ATF7: variants seen among roughly 807,000 people sequenced by gnomAD.
ATF7 encodes the protein activating transcription factor 7.
In ATF7, 10 loss-of-function variants were observed where a neutral mutation model predicts 50.4. The ratio of observed to expected loss-of-function variants is 0.20; its 90% CI spans 0.12 to 0.34. ATF7 has a LOEUF of 0.34. ATF7 is among the 10% of genes least tolerant of loss of function. The probability of loss-of-function intolerance (pLI) is 1.00; values close to 1 mark genes in which losing one functional copy is unlikely to be tolerated. For missense variants in ATF7, 465 were observed against 613.9 expected (o/e 0.76, Z 2.56); for synonymous variants, 201 against 226.4 (o/e 0.89, Z 1.01).
chr12:53,613,596 T>C (rs1405145896), intron 1 of ATF7, among the ~76,000 whole-genome samples: 5 of 152,056 alleles, frequency 3.3e-5, no homozygotes, highest in Non-Finnish European at 5.9e-5. Context: ...TCTCAGCTCA[T>C]TGCAACCTCT....
At chr12:53,587,712 C>T (rs1308731412) in intron 2 of ATF7, among the ~76,000 whole-genome samples, 1 of 149,080 alleles carries the variant, frequency 6.7e-6, no homozygotes, top group Non-Finnish European at 1.5e-5. Flanking sequence ...ATGTTTTAAG[C>T]AACTTTCCAG....
intron 1 of ATF7, among the ~76,000 whole-genome samples, chr12:53,623,065 G>A (rs1053858111): frequency 8.5e-5 from 13 of 152,206 alleles, no homozygotes; most frequent in Non-Finnish European, 1.9e-4. Flanking sequence ...AGACTACCAT[G>A]TTAACAAGGA....
At position 53,595,676 on chromosome 12, in the gene ATF7, A is replaced by G. The variant is rs181023451; in HGVS notation, c.48+5277T>C. ...AGCTTTGGAGGTTGGTTAAATGCCA[A>G]GTGAAGCCAGGACTACAACACCATA... On this transcript the variant is annotated intron_variant, in intron 2 of 11. Coordinates refer to ENST00000420353, the MANE Select transcript of ATF7 (RefSeq NM_006856.3). Among the ~76,000 whole-genome samples, 61 of 152,322 alleles carry G rather than the reference A, an allele frequency of 4.0e-4. 1 individual carries two copies. In the East Asian group the frequency reaches 0.012, roughly 29 times the overall value.
chr12:53,611,709 GC>G (rs1433273273), intron 1 of ATF7, among the ~76,000 whole-genome samples: 2 of 152,014 alleles, frequency 1.3e-5, no homozygotes, highest in African/African-American at 4.8e-5. Flanking sequence ...TCATTCCTCA[GC>G]CTCCTGAATA....
intron 11 of ATF7, among the ~76,000 whole-genome samples, chr12:53,519,106 G>T (rs1452965572): frequency 6.7e-6 from 1 of 150,020 alleles, no homozygotes; most frequent in Admixed American, 6.6e-5. Flanking sequence ...AGCCATCTTT[G>T]TTACCCTCAG....
chr12:53,551,860 G>C (rs1399663404), intron 3 of ATF7, among the ~76,000 whole-genome samples: 1 of 152,192 alleles, frequency 6.6e-6, no homozygotes, highest in Non-Finnish European at 1.5e-5. Flanking sequence ...AGCTCACTTT[G>C]GTTTGTATGT....
intron 9 of ATF7, among the ~76,000 whole-genome samples, chr12:53,526,829 C>T (rs764705331): frequency 4.0e-5 from 6 of 151,626 alleles, no homozygotes; most frequent in East Asian, 1.9e-4. Flanking sequence ...CCAGCCTGGG[C>T]GACAGAGCAA....
chr12:53,536,613 C>T (rs955694902), intron 5 of ATF7, among the ~76,000 whole-genome samples: 9 of 150,202 alleles, frequency 6.0e-5, no homozygotes, highest in African/African-American at 2.0e-4. Context: ...GCTGGCCGGG[C>T]GCGGTGGCTC....
At chr12:53,519,595 G>A (rs754753076) in intron 11 of ATF7, among the ~76,000 whole-genome samples, 4 of 151,926 alleles carry the variant, frequency 2.6e-5, no homozygotes, top group South Asian at 2.1e-4. Context: ...CCAGCTACTC[G>A]GGAGGCTGAG....
intron 9 of ATF7, among the ~76,000 whole-genome samples, chr12:53,525,596 AT>A (rs1938404201): frequency 6.6e-6 from 1 of 152,162 alleles, no homozygotes; most frequent in Non-Finnish European, 1.5e-5. Context: ...TAAGTGTATT[AT>A]TTTTATTTAT....
At chr12:53,508,887 T>C (rs1233391941), downstream of ATF7, among the ~76,000 whole-genome samples, 3 of 152,220 alleles carry the variant, frequency 2.0e-5, no homozygotes, top group Admixed American at 2.0e-4. Flanking sequence ...ACTGTGGGGC[T>C]GGACTATCAT....
chr12:53,624,864 C>T lies in ATF7; in HGVS notation c.-22+1415G>A, dbSNP rs141463763. Among the ~76,000 whole-genome samples the T allele has an allele frequency of 3.2e-4, 49 of 152,278 alleles. No individual in the cohort carries two copies. The East Asian group carries it at 9.3e-3, about 29-fold the overall frequency. On this transcript the variant is annotated intron_variant, in intron 1 of 11. Transcript: ENST00000420353. ...TGCAACCACCCATTCGACAACTCTT[C>T]GAGAATGACTGGGGAAGCCACATTT...
At chr12:53,606,855 T>A (rs920654654) in intron 1 of ATF7, among the ~76,000 whole-genome samples, 2 of 151,936 alleles carry the variant, frequency 1.3e-5, no homozygotes, top group Non-Finnish European at 2.9e-5. Context: ...AGAATGATGG[T>A]TTCCAGTTTC....
At chr12:53,518,150 C>G (rs1420559902) in intron 11 of ATF7, among the ~76,000 whole-genome samples, 1 of 152,260 alleles carries the variant, frequency 6.6e-6, no homozygotes, top group East Asian at 1.9e-4. Flanking sequence ...TAGGCGTGAG[C>G]CACTGTGGCA....
At position 53,561,933 on chromosome 12, in the gene ATF7, C is replaced by G. The variant is rs989134282; in HGVS notation, c.49-9296G>C. ...ACAGAAAACTTTCCCCCAAAATACT[C>G]AAAGATAAAATGTTGTCAGGGGAAT... On this transcript the variant is annotated intron_variant, in intron 2 of 11. Transcript: ENST00000420353. Among the ~76,000 whole-genome samples, 9 of 152,120 alleles carry G rather than the reference C, an allele frequency of 5.9e-5. No homozygotes were observed. The East Asian group carries it at 1.7e-3, about 29-fold the overall frequency.
chr12:53,508,621 T>A (rs1944069708), downstream of ATF7, among the ~76,000 whole-genome samples: 1 of 151,262 alleles, frequency 6.6e-6, no homozygotes, highest in African/African-American at 2.4e-5. Context: ...ACTGAATGAG[T>A]GTGGCTTCCA....
At chr12:53,581,821 A>G (rs1384526419) in intron 2 of ATF7, among the ~76,000 whole-genome samples, 1 of 151,904 alleles carries the variant, frequency 6.6e-6, no homozygotes. Context: ...AGAAGAAAAG[A>G]AATAATAAAA....
At chr12:53,543,070 G>A (rs150942057) in intron 4 of ATF7, 84 of 1,320,210 alleles carry the variant, frequency 6.4e-5, no homozygotes, top group African/African-American at 1.3e-4. Context: ...TTAAAAAACC[G>A]ATTATTAAAC....
intron 1 of ATF7, among the ~76,000 whole-genome samples, chr12:53,618,447 G>A (rs1023958523): frequency 4.6e-5 from 7 of 152,110 alleles, no homozygotes; most frequent in African/African-American, 1.2e-4. Context: ...TTTTAAAAAC[G>A]AAAGTAAAAA....
Sources: gnomAD v4.1 joint callset for allele counts (sites outside exome capture counted in the v4.1 genomes callset) on GRCh38, gnomAD v4.1.1 for gene constraint, MANE v1.5 for transcripts, NCBI Gene and HGNC (gene_info 2026-07-23, HGNC 2026-07-21) for gene names.